Variants in CNTN6 observed in about 807,000 individuals in gnomAD.
CNTN6 encodes contactin-6.
CNTN6 carries 137 observed loss-of-function variants against 122.8 expected under a neutral mutation model. The ratio of observed to expected loss-of-function variants is 1.12; its 90% CI spans 0.97 to 1.29. The LOEUF is 1.29. Among genes scored for constraint, CNTN6 ranks in the 50% most tolerant of loss-of-function variants. CNTN6 has a pLI of 0.00. For synonymous variants in CNTN6, 570 were observed against 426.0 expected (o/e 1.34, Z -4.16); for missense variants, 1,634 against 1,223.4 (o/e 1.34, Z -5.01).
chr3:1,235,363 GC>G (rs1445645069), intron 4 of CNTN6, among the ~76,000 whole-genome samples: 3 of 151,834 alleles, frequency 2.0e-5, no homozygotes, highest in Non-Finnish European at 2.9e-5. Context: ...TAGAGATTTT[GC>G]TTCTAAGATT....
rs538001663 is a variant in CNTN6, at chr3:1,167,912, A to T, written c.55+19849A>T. On this transcript the variant is annotated intron_variant, in intron 2 of 22. Transcript: ENST00000446702. ...CATAGGAAATGTCATTCTTTTTTTC[A>T]TTTCATTTATTTATTTTGAGATGAA... Among the ~76,000 whole-genome samples the T allele has an allele frequency of 6.6e-5, 10 of 151,974 alleles. No homozygotes were observed. The South Asian group carries it at 8.3e-4, about 13-fold the overall frequency.
chr3:1,101,957 A>G (rs908861764), intron 1 of CNTN6, among the ~76,000 whole-genome samples: 4 of 152,188 alleles, frequency 2.6e-5, no homozygotes, highest in Admixed American at 1.3e-4. Flanking sequence ...TGCTAAACGG[A>G]CCATATTTTT....
chr3:1,310,244 T>C (rs1021470263), intron 7 of CNTN6, among the ~76,000 whole-genome samples: 2 of 152,194 alleles, frequency 1.3e-5, no homozygotes, highest in African/African-American at 4.8e-5. Flanking sequence ...AGTAGGATGC[T>C]AGTGCTACAT....
At chr3:1,279,253 C>G (rs752332851) in intron 5 of CNTN6, among the ~76,000 whole-genome samples, 7 of 152,166 alleles carry the variant, frequency 4.6e-5, no homozygotes, top group Non-Finnish European at 1.0e-4. Flanking sequence ...TTCTCATCCT[C>G]TTGGGAATGG....
rs1031547772 is a variant in CNTN6, at chr3:1,385,811, C to T, written c.2704+14C>T. The T allele has an allele frequency of 8.1e-6, 13 of 1,596,586 alleles. No individual in the cohort carries two copies. The African/African-American group carries it at 1.1e-4, about 13-fold the overall frequency. ...CCAAAAAGTCTCGTAAGTATGCATACACTCCAGGAAACAAGATTCATCTGT... is the reference window on the plus strand; with the variant it reads ...CCAAAAAGTCTCGTAAGTATGCATATACTCCAGGAAACAAGATTCATCTGT... On this transcript the variant is annotated intron_variant, in intron 20 of 22. Transcript: ENST00000446702.
chr3:1,179,754 T>C (rs1260976958), intron 2 of CNTN6, among the ~76,000 whole-genome samples: 1 of 152,080 alleles, frequency 6.6e-6, no homozygotes, highest in African/African-American at 2.4e-5. Flanking sequence ...CCACAGTCAT[T>C]TTTTTGTGTG....
intron 20 of CNTN6, among the ~76,000 whole-genome samples, chr3:1,397,965 T>C (rs531661830): frequency 1.3e-5 from 2 of 152,112 alleles, no homozygotes; most frequent in Non-Finnish European, 2.9e-5. Flanking sequence ...AAAAATTGAT[T>C]ACAGGGAAAC....
Position 1,225,696 on chromosome 3 carries a change from ATTG to A in CNTN6, c.183-2119_183-2117del, listed in dbSNP as rs1207811702. Among the ~76,000 whole-genome samples, 1,350 of 141,114 alleles carry A rather than the reference ATTG, an allele frequency of 9.6e-3. 22 individuals are homozygous for A. The highest frequency in any genetic ancestry group is 0.033 in the African/African-American group (1,270 of 38,582). The allele number at this position is 141,114 out of a possible 152,430, so 92.6% of individuals were successfully genotyped here. On this transcript the variant is annotated intron_variant, in intron 3 of 22. Coordinates refer to ENST00000446702, the MANE Select transcript of CNTN6 (RefSeq NM_001289080.2). ...AAGAAAAGTTTTGAAGGGTTTTATT[ATTG>A]TTTTTTTTTTTTTTCACTTTTTTCT...
At chr3:1,372,598 T>C (rs530847317) in intron 13 of CNTN6, 124 bp downstream of exon 13, 13 of 885,514 alleles carry the variant, frequency 1.5e-5, no homozygotes, top group Non-Finnish European at 2.0e-5. Flanking sequence ...TTTTTGAAGC[T>C]ACATTTGTTT....
chr3:1,279,379 C>T (rs1575532015), intron 5 of CNTN6, among the ~76,000 whole-genome samples: 2 of 151,918 alleles, frequency 1.3e-5, no homozygotes, highest in South Asian at 4.1e-4. Context: ...ACCAATATCA[C>T]ACTATATTAT....
intron 5 of CNTN6, among the ~76,000 whole-genome samples, chr3:1,289,121 T>C (rs1694854096): frequency 6.6e-6 from 1 of 152,206 alleles, no homozygotes; most frequent in African/African-American, 2.4e-5. Flanking sequence ...GCTCATGAAT[T>C]ATACATTTAA....
rs200617372 is a variant in CNTN6 at position 1,384,768 on chromosome 3, T to TAC, written c.2518-839_2518-838dup. On this transcript the variant is annotated intron_variant, in intron 19 of 22. Coordinates refer to ENST00000446702, the MANE Select transcript of CNTN6 (RefSeq NM_001289080.2). ...ATATACACATATATATACATATATA[T>TAC]ACACATATATATATATATATATATA... Among the ~76,000 whole-genome samples the TAC allele has an allele frequency of 9.6e-3, 1,202 of 125,292 alleles. 25 individuals are homozygous for TAC. The highest frequency in any genetic ancestry group is 0.037 in the African/African-American group (1,109 of 30,068). The allele number at this position is 125,292 out of a possible 152,430, so 82.2% of individuals were successfully genotyped here. A position where few individuals can be genotyped will look rare whatever the true frequency, so the allele number is the denominator to read the frequency against.
chr3:1,274,805 A>C (rs989919821), intron 4 of CNTN6, among the ~76,000 whole-genome samples: 1 of 152,192 alleles, frequency 6.6e-6, no homozygotes, highest in African/African-American at 2.4e-5. Context: ...TGTCATAATC[A>C]TAGTAATTAC....
At chr3:1,182,583 C>A (rs957968280) in intron 2 of CNTN6, among the ~76,000 whole-genome samples, 3 of 100,584 alleles carry the variant, frequency 3.0e-5, no homozygotes, top group African/African-American at 1.2e-4. Context: ...ATCATTTGCC[C>A]ACATTCTCCT....
intron 20 of CNTN6, among the ~76,000 whole-genome samples, chr3:1,393,626 T>G (rs1694564740): frequency 6.7e-6 from 1 of 149,720 alleles, no homozygotes; most frequent in Non-Finnish European, 1.5e-5. Context: ...CAAGAGTGAT[T>G]AGAAATGTGT....
intron 4 of CNTN6, among the ~76,000 whole-genome samples, chr3:1,259,005 A>G (rs1388574715): frequency 6.6e-6 from 1 of 152,110 alleles, no homozygotes; most frequent in Non-Finnish European, 1.5e-5. Context: ...AAACCCATTA[A>G]TGTGGCTGTG....
At chr3:1,147,833 A>C (rs1342434623) in intron 1 of CNTN6, 94 bp from the exon 2 acceptor site, 1 of 473,136 alleles carries the variant, frequency 2.1e-6, no homozygotes, top group African/African-American at 1.9e-5. Context: ...TAATAATATT[A>C]ATATTAAATT....
At chr3:1,295,549 C>A in intron 5 of CNTN6, 52 bp from the exon 6 acceptor site, 4 of 1,451,724 alleles carry the variant, frequency 2.8e-6, no homozygotes, top group Non-Finnish European at 3.8e-6. Context: ...TGAATGAATG[C>A]AGTAAGGACA....
chr3:1,142,771 C>G (rs1171462513), intron 1 of CNTN6, among the ~76,000 whole-genome samples: 1 of 151,750 alleles, frequency 6.6e-6, no homozygotes, highest in East Asian at 1.9e-4. Context: ...AGGCAAAGAG[C>G]CAGATTTGGT....
Sources: gnomAD v4.1 joint callset for allele counts (sites outside exome capture counted in the v4.1 genomes callset) on GRCh38, gnomAD v4.1.1 for gene constraint, MANE v1.5 for transcripts, NCBI Gene and HGNC (gene_info 2026-07-23, HGNC 2026-07-21) for gene names.